Variants in PCDH15 observed in about 807,000 individuals in gnomAD.
The protein encoded by PCDH15 is protocadherin-15.
PCDH15 carries 129 observed loss-of-function variants against 178.5 expected under a neutral mutation model. That is an observed-to-expected ratio of 0.72 (90% confidence interval 0.63 to 0.84). The LOEUF is 0.84. Among genes scored for constraint, PCDH15 ranks in the 40% least tolerant of loss-of-function variants. The pLI is 0.00. For missense variants in PCDH15, 2,230 were observed against 2,099.9 expected (o/e 1.06, Z -1.21); for synonymous variants, 800 against 732.0 (o/e 1.09, Z -1.50).
At chr10:54,160,971 A>T (rs531964255) in intron 13 of PCDH15, among the ~76,000 whole-genome samples, 25 of 152,322 alleles carry the variant, frequency 1.6e-4, no homozygotes, top group Admixed American at 5.9e-4. Context: ...CAGTTTATTT[A>T]AAAAGTATAT....
chr10:55,359,747 T>TATATACACACAC (rs1491280747), intron 2 of PCDH15, among the ~76,000 whole-genome samples: 2 of 81,666 alleles, frequency 2.4e-5, no homozygotes, highest in African/African-American at 7.1e-5. Flanking sequence ...TATATATATA[T>TATATACACACAC]ACACACACAC....
intron 3 of PCDH15, among the ~76,000 whole-genome samples, chr10:54,884,489 G>GTT (rs929600579): frequency 2.0e-5 from 3 of 151,588 alleles, no homozygotes; most frequent in African/African-American, 7.3e-5. Flanking sequence ...AGGTGTGTGT[G>GTT]TGTGTGTGTG....
At chr10:55,538,460 T>TCCTTCCTCCCTC (rs1841645942) in intron 2 of PCDH15, among the ~76,000 whole-genome samples, 2 of 143,464 alleles carry the variant, frequency 1.4e-5, no homozygotes, top group South Asian at 2.4e-4. Context: ...CTTCTTTCCT[T>TCCTTCCTCCCTC]CCTTCCTCCC....
upstream of PCDH15, among the ~76,000 whole-genome samples, chr10:54,802,090 T>C (rs1049574658): frequency 2.0e-5 from 3 of 152,160 alleles, no homozygotes; most frequent in Non-Finnish European, 4.4e-5. Context: ...ACAGAGCAGA[T>C]AGGCTGAGGC....
intron 2 of PCDH15, among the ~76,000 whole-genome samples, chr10:55,493,762 A>C (rs1056991064): frequency 1.3e-5 from 2 of 151,884 alleles, no homozygotes; most frequent in Non-Finnish European, 2.9e-5. Context: ...ATGTTGGAGG[A>C]AATTCTTCAG....
chr10:53,808,734 C>A (rs749874091), intron 37 of PCDH15: 1 of 1,613,148 alleles, frequency 6.2e-7, no homozygotes, highest in Non-Finnish European at 8.5e-7. Flanking sequence ...CTCCTGGCGA[C>A]TTCTTTTGGT....
intron 2 of PCDH15, among the ~76,000 whole-genome samples, chr10:54,657,200 A>G (rs1195260585): frequency 6.6e-6 from 1 of 152,208 alleles, no homozygotes; most frequent in Non-Finnish European, 1.5e-5. Flanking sequence ...AGGACAATGT[A>G]TATTTAAACT....
intron 2 of PCDH15, among the ~76,000 whole-genome samples, chr10:55,129,799 T>C (rs750280756): frequency 4.6e-5 from 7 of 152,118 alleles, no homozygotes; most frequent in Non-Finnish European, 8.8e-5. Flanking sequence ...GCATTGAAAA[T>C]ACAAAAATGG....
chr10:54,344,904 C>CCAAAAAAAAAAAAA (rs58908008), intron 6 of PCDH15, among the ~76,000 whole-genome samples: 6 of 78,884 alleles, frequency 7.6e-5, no homozygotes, highest in East Asian at 7.0e-4. Flanking sequence ...AGAAACAAAG[C>CCAAAAAAAAAAAAA]AAAAAAAAAA....
intron 2 of PCDH15, among the ~76,000 whole-genome samples, chr10:55,454,564 T>C (rs191384071): frequency 1.9e-4 from 29 of 150,136 alleles, no homozygotes; most frequent in Admixed American, 1.9e-3. Flanking sequence ...GATCATGAGA[T>C]CAGGAGATCG....
chr10:54,313,527 A>C (rs1206829595), intron 8 of PCDH15, among the ~76,000 whole-genome samples: 1 of 152,106 alleles, frequency 6.6e-6, no homozygotes, highest in Non-Finnish European at 1.5e-5. Context: ...TCTCCAACTT[A>C]ACCCAGGCTG....
intron 2 of PCDH15, among the ~76,000 whole-genome samples, chr10:55,349,043 T>G (rs1044210745): frequency 6.6e-6 from 1 of 152,108 alleles, no homozygotes; most frequent in Admixed American, 6.6e-5. Context: ...ACAGATTGCA[T>G]GGACTTGATC....
At chr10:54,776,168 A>G (rs1341920484) in intron 1 of PCDH15, among the ~76,000 whole-genome samples, 1 of 152,154 alleles carries the variant, frequency 6.6e-6, no homozygotes, top group Non-Finnish European at 1.5e-5. Context: ...TTATTCAGTC[A>G]TCCACTGATA....
chr10:54,220,803 C>T (rs2134187703), intron 9 of PCDH15, among the ~76,000 whole-genome samples: 1 of 150,232 alleles, frequency 6.7e-6, no homozygotes, highest in East Asian at 2.0e-4. Context: ...CCAGCCTGGG[C>T]GACAGAGCGA....
At chr10:54,523,537 T>G (rs2083089977) in intron 3 of PCDH15, among the ~76,000 whole-genome samples, 1 of 152,218 alleles carries the variant, frequency 6.6e-6, no homozygotes, top group Non-Finnish European at 1.5e-5. Context: ...AGTACTTTCA[T>G]GTTCTTTAAA....
chr10:54,987,100 G>A (rs993021206), intron 2 of PCDH15, among the ~76,000 whole-genome samples: 1 of 151,946 alleles, frequency 6.6e-6, no homozygotes, highest in Non-Finnish European at 1.5e-5. Context: ...CTACTTATGA[G>A]TGAGAACATG....
intron 1 of PCDH15, among the ~76,000 whole-genome samples, chr10:54,775,778 G>T (rs368649748): frequency 6.6e-6 from 1 of 152,098 alleles, no homozygotes; most frequent in African/African-American, 2.4e-5. Flanking sequence ...CCAGCTACTC[G>T]GAGAGGCTGA....
At chr10:54,514,660 T>G (rs561376153) in intron 3 of PCDH15, among the ~76,000 whole-genome samples, 2 of 103,572 alleles carry the variant, frequency 1.9e-5, no homozygotes, top group African/African-American at 7.4e-5. Flanking sequence ...GGATTCAAAA[T>G]AGACTTCAAA....
chr10:53,926,032 G>T (rs572095521), intron 25 of PCDH15, among the ~76,000 whole-genome samples: 39 of 152,012 alleles, frequency 2.6e-4, no homozygotes, highest in Non-Finnish European at 5.3e-4. Flanking sequence ...TCTTATTCAT[G>T]TCACCCAAGA....
Sources: gnomAD v4.1 joint callset for allele counts (sites outside exome capture counted in the v4.1 genomes callset) on GRCh38, gnomAD v4.1.1 for gene constraint, MANE v1.5 for transcripts, NCBI Gene and HGNC (gene_info 2026-07-23, HGNC 2026-07-21) for gene names.